Variants in LMF2 observed in about 807,000 individuals in gnomAD.
The protein encoded by LMF2 is lipase maturation factor 2.
Under a neutral mutation model 81.5 loss-of-function variants are expected in LMF2, and 113 were observed. That is an observed-to-expected ratio of 1.39 (90% confidence interval 1.19 to 1.62). The LOEUF is 1.62. Among genes scored for constraint, LMF2 ranks in the 40% most tolerant of loss-of-function variants. LMF2 has a pLI of 0.00. For synonymous variants in LMF2, 645 were observed against 424.5 expected (o/e 1.52, Z -6.39); for missense variants, 1,235 against 929.1 (o/e 1.33, Z -4.28).
Position 50,506,782 on chromosome 22 carries a change from C to G in LMF2, c.348G>C (p.Gln116His). 2 of 1,612,844 alleles carry G rather than the reference C, an allele frequency of 1.2e-6. No individual in the cohort carries two copies. Among genetic ancestry groups the G allele is most frequent in the Non-Finnish European group, 1.7e-6 (2 of 1,179,544 alleles). Reference protein sequence around the residue: ...LLWAAYLSACQVGQVFLYFQW... With the variant: ...LLWAAYLSACHVGQVFLYFQW... ...TGAGCTGGTCACAGGTCCCACTTGCCTGGCAGGCTGACAGGTAGGCGGCCC... is the reference window on the plus strand; with the variant it reads ...TGAGCTGGTCACAGGTCCCACTTGCGTGGCAGGCTGACAGGTAGGCGGCCC... The change falls in exon 2 of 14, where the codon CAG becomes CAC. Residue 116 changes from glutamine (Q) to histidine (H), a missense_variant and splice_region_variant. By Grantham distance (24) the Gln-to-His change is conservative. Transcript: ENST00000474879.
rs1262430158 is a variant in LMF2 at position 50,507,658 on chromosome 22, G to A, written c.18C>T (p.Leu6=). The change falls in exon 1 of 14, where the codon CTC becomes CTT. Residue 6 remains leucine, a synonymous_variant. Transcript: ENST00000474879. ...CGCCCTGGAGGAAGAGCTGCCGCGG[G>A]AGCCGGGAGCCCGCCATGTCCGCTA... The part of the protein sequence containing the change: MAGSR[L]PRQLFLQGVA... 15 of 1,550,462 alleles carry A rather than the reference G, an allele frequency of 9.7e-6. No individual in the cohort carries two copies. The highest frequency in any genetic ancestry group is 1.2e-5 in the Non-Finnish European group (14 of 1,147,436).
chr22:50,506,294 C>G lies in LMF2; in HGVS notation c.586G>C (p.Gly196Arg), dbSNP rs1430734191. The change falls in exon 4 of 14, where the codon GGG becomes CGG. Residue 196 changes from glycine (G) to arginine (R), a missense_variant. Gly to Arg is a moderately radical substitution (Grantham distance 125, BLOSUM62 -2). Coordinates refer to ENST00000474879, the MANE Select transcript of LMF2 (RefSeq NM_033200.3). The part of the protein sequence containing the change: ...KLTSRCPAWW[G>R]LTALTYHYET... ...AGACCGGGCCCCTCACCAGTGAGCC[C>G]CCACCACGCAGGGCAGCGGCTGGTC... The G allele has an allele frequency of 6.5e-7, 1 of 1,549,058 alleles. No homozygotes were observed. Among genetic ancestry groups the G allele is most frequent in the Non-Finnish European group, 8.7e-7 (1 of 1,146,362 alleles).
Position 50,505,295 on chromosome 22 carries a change from A to C in LMF2, c.1091T>G (p.Leu364Arg). 1 of 1,613,294 alleles carries C rather than the reference A, an allele frequency of 6.2e-7. No individual in the cohort carries two copies. Among genetic ancestry groups the C allele is most frequent in the South Asian group, 1.1e-5 (1 of 91,088 alleles). Reference sequence around the variant, plus strand: ...ACCCAGCCACACAGTGGGCAGCGTCAGTGTCTTCAGCCACTGAGAAAACTG... The same window carrying C: ...ACCCAGCCACACAGTGGGCAGCGTCCGTGTCTTCAGCCACTGAGAAAACTG... ...FHQFSQWLKT[L>R]TLPTVWLGVA... The change falls in exon 8 of 14, where the codon CTG becomes CGG. Residue 364 changes from leucine (L) to arginine (R), a missense_variant. Leu to Arg is a moderately radical substitution (Grantham distance 102). Transcript: ENST00000474879.
At position 50,505,445 on chromosome 22, in the gene LMF2, G is replaced by C; in HGVS notation, c.1009C>G (p.Leu337Val). The C allele has an allele frequency of 6.2e-7, 1 of 1,613,078 alleles. No individual in the cohort carries two copies. The highest frequency in any genetic ancestry group is 8.5e-7 in the Non-Finnish European group (1 of 1,180,032). The change falls in exon 7 of 14, where the codon CTG becomes GTG. Residue 337 changes from leucine to valine, a missense_variant. Physicochemically the swap from Leu to Val is conservative, Grantham distance 32. Coordinates refer to ENST00000474879, the MANE Select transcript of LMF2 (RefSeq NM_033200.3). ...GTGCGCTGCTGCCAGTCAACCTCCA[G>C]GCCAAAGTAGTGCACAGTGCCATAG... ...LAYGTVHYFG[L>V]EVDWQQRTIH...
Position 50,504,594 on chromosome 22 carries a change from C to T in LMF2, c.1571G>A (p.Ser524Asn), listed in dbSNP as rs763397456. 2.5e-6 allele frequency: 4 copies of T among 1,604,780 alleles called. No individual in the cohort carries two copies. The highest frequency in any genetic ancestry group is 1.7e-5 in the Admixed American group (1 of 59,746). Residue 524 changes from serine to asparagine, a missense_variant, in exon 11 of 14, where the codon AGC (serine) becomes AAC (asparagine). Coordinates refer to ENST00000474879, the MANE Select transcript of LMF2 (RefSeq NM_033200.3). Reference protein sequence around the residue: ...GPHTHSPWFTSLVLRLLQGKE... With the variant: ...GPHTHSPWFTNLVLRLLQGKE... The stretch of plus-strand genomic sequence containing the variant: ...GCCCTGCAGCAGGCGCAAGACCAGG[C>T]TTGTGAACCACGGGCTGTGCGTGTG...
chr22:50,506,771 G>A lies in LMF2; in HGVS notation c.348+11C>T, dbSNP rs781668166. On this transcript the variant is annotated intron_variant, in intron 2 of 13. Transcript: ENST00000474879. The stretch of plus-strand genomic sequence containing the variant: ...TGGAGATAGAGTGAGCTGGTCACAG[G>A]TCCCACTTGCCTGGCAGGCTGACAG... 6.2e-7 allele frequency: 1 copy of A among 1,612,818 alleles called. No individual in the cohort carries two copies. The highest frequency in any genetic ancestry group is 1.1e-5 in the South Asian group (1 of 91,032).
chr22:50,503,316 G>A lies in LMF2; in HGVS notation c.*75C>T. Reference sequence around the variant, plus strand: ...CAGGGTCAGCTAAGGCACAGTGGCTGGGTCCTGTCCTGCCGGAGGCCAGAG... The same window carrying A: ...CAGGGTCAGCTAAGGCACAGTGGCTAGGTCCTGTCCTGCCGGAGGCCAGAG... On this transcript the variant is annotated 3_prime_UTR_variant, in exon 14 of 14. Transcript: ENST00000474879. 2.0e-6 allele frequency: 3 copies of A among 1,499,428 alleles called. No homozygotes were observed. Among genetic ancestry groups the A allele is most frequent in the Non-Finnish European group, 2.7e-6 (3 of 1,100,324 alleles). The allele number at this position is 1,499,428 out of a possible 1,614,324, so 92.9% of individuals were successfully genotyped here.
Position 50,505,055 on chromosome 22 carries a change from A to C in LMF2, c.1254+2T>G, listed in dbSNP as rs770209684. On this transcript the variant is annotated splice_donor_variant, in intron 9 of 13. Coordinates refer to ENST00000474879, the MANE Select transcript of LMF2 (RefSeq NM_033200.3). LOFTEE classifies it high-confidence loss of function. ...ATCCCCCAGCCCTGCAGCGCTACCC[A>C]CCAGGCTAATCAGGAACAAGGCCAC... 1 of 1,612,834 alleles carries C rather than the reference A, an allele frequency of 6.2e-7. No homozygotes were observed. Among genetic ancestry groups the C allele is most frequent in the South Asian group, 1.1e-5 (1 of 91,078 alleles).
Position 50,504,783 on chromosome 22 carries a change from C to A in LMF2, c.1437+19G>T. On this transcript the variant is annotated intron_variant, in intron 10 of 13. Transcript: ENST00000474879. ...GCTGACCTGGGCCCCACCACCCTGCCCGCCCTGGGAGGGCTCACCGTCCAG... is the reference window on the plus strand; with the variant it reads ...GCTGACCTGGGCCCCACCACCCTGCACGCCCTGGGAGGGCTCACCGTCCAG... 1 of 1,602,016 alleles carries A rather than the reference C, an allele frequency of 6.2e-7. No individual in the cohort carries two copies. Among genetic ancestry groups the A allele is most frequent in the Non-Finnish European group, 8.5e-7 (1 of 1,174,870 alleles).
chr22:50,504,771 C>T (rs2068510984), intron 10 of LMF2, 31 bp downstream of exon 10: 1 of 1,604,500 alleles, frequency 6.2e-7, no homozygotes, highest in Non-Finnish European at 8.5e-7. Context: ...GACCTGGGCC[C>T]CACCACCCTG....
rs370674213 is a variant in LMF2 at position 50,504,736 on chromosome 22, C to T, written c.1438-9G>A. 2 of 1,609,192 alleles carry T rather than the reference C, an allele frequency of 1.2e-6. No individual in the cohort carries two copies. The highest frequency in any genetic ancestry group is 1.7e-5 in the Admixed American group (1 of 59,282). On this transcript the variant is annotated splice_polypyrimidine_tract_variant and intron_variant, in intron 10 of 13. Coordinates refer to ENST00000474879, the MANE Select transcript of LMF2 (RefSeq NM_033200.3). ...TACATGAACTCGATCTCCTGCCAGGCAGGCCGAGGTCAGCTGGGCCCGCTG... is the reference window on the plus strand; with the variant it reads ...TACATGAACTCGATCTCCTGCCAGGTAGGCCGAGGTCAGCTGGGCCCGCTG...
At position 50,506,048 on chromosome 22, in the gene LMF2, G is replaced by T; in HGVS notation, c.761C>A (p.Ala254Asp). Residue 254 changes from alanine (A) to aspartate (D), a missense_variant, in exon 5 of 14, where the codon GCT becomes GAT. By Grantham distance (126) the Ala-to-Asp change is moderately radical (BLOSUM62 -2). Coordinates refer to ENST00000474879, the MANE Select transcript of LMF2 (RefSeq NM_033200.3). ...FAPIRRLRLA[A>D]FYSQVLLQVL... is the part of the protein sequence containing the mutation. ...GCCCTCACCCACCTGCGAGTAGAAA[G>T]CAGCCAAGCGCAGGCGTCGAATGGG... is the stretch of plus-strand genomic sequence containing the variant. The T allele has an allele frequency of 6.3e-7, 1 of 1,586,616 alleles. No homozygotes were observed.
At chr22:50,503,955 C>CCCAT in intron 12 of LMF2, 51 bp from the exon 13 acceptor site, 1 of 1,535,390 alleles carries the variant, frequency 6.5e-7, no homozygotes, top group Non-Finnish European at 8.9e-7. Flanking sequence ...GGCTCCATAC[C>CCCAT]CCATCGCCAG....
intron 12 of LMF2, 21 bp from the exon 13 acceptor site, chr22:50,503,925 C>A: frequency 6.2e-7 from 1 of 1,601,910 alleles, no homozygotes; most frequent in South Asian, 1.1e-5. Flanking sequence ...ACCCGATGTT[C>A]AGAAGCTGGA....
Position 50,506,424 on chromosome 22 carries a change from G to T in LMF2, c.456C>A (p.Ala152=). ...PLRPASHRKE[A]PQGRQAGALP... Reference sequence around the variant, plus strand: ...GGGCCCCTGCCTGCCTGCCCTGGGGGGCCTCCTTGCGGTGGGAGGCTGGCC... The same window carrying T: ...GGGCCCCTGCCTGCCTGCCCTGGGGTGCCTCCTTGCGGTGGGAGGCTGGCC... Residue 152 remains alanine, a synonymous_variant, in exon 4 of 14, where the codon GCC becomes GCA. Transcript: ENST00000474879. 6.4e-7 allele frequency: 1 copy of T among 1,550,464 alleles called. No homozygotes were observed. Among genetic ancestry groups the T allele is most frequent in the African/African-American group, 1.4e-5 (1 of 73,416 alleles).
chr22:50,504,363 C>T lies in LMF2; in HGVS notation c.1695G>A (p.Trp565Ter). The change falls in exon 12 of 14, where the codon TGG (tryptophan) becomes TGA (stop). Residue 565 changes from tryptophan to a stop codon, truncating the protein, a stop_gained. Coordinates refer to ENST00000474879, the MANE Select transcript of LMF2 (RefSeq NM_033200.3). LOFTEE classifies it high-confidence loss of function. ...TYVRAQRYKY[W>*]FSQPGEQGQW... is the part of the protein sequence containing the mutation. ...ACCCCTGCTCCCCAGGCTGGGAGAA[C>T]CAGTACTTGTAGCGCTGGGCTCGGA... The T allele has an allele frequency of 6.2e-7, 1 of 1,612,078 alleles. No individual in the cohort carries two copies. The highest frequency in any genetic ancestry group is 8.5e-7 in the Non-Finnish European group (1 of 1,179,546).
rs1389494237 is a variant in LMF2, at chr22:50,507,686, C to T, written c.-11G>A. 5 of 1,547,120 alleles carry T rather than the reference C, an allele frequency of 3.2e-6. No homozygotes were observed. The Admixed American group carries it at 9.8e-5, about 30-fold the overall frequency. On this transcript the variant is annotated 5_prime_UTR_variant, in exon 1 of 14. Coordinates refer to ENST00000474879, the MANE Select transcript of LMF2 (RefSeq NM_033200.3). ...CCGGGAGCCCGCCATGTCCGCTACG[C>T]GGCCCGCTAGAGCAGGGCCCGCCCT...
intron 12 of LMF2, 122 bp from the exon 13 acceptor site, chr22:50,504,026 C>T: frequency 1.1e-6 from 1 of 937,688 alleles, no homozygotes; most frequent in East Asian, 2.8e-5. Flanking sequence ...TGGTGCCCGG[C>T]CTTACCCCTG....
chr22:50,507,220 G>C, intron 1 of LMF2, 185 bp from the exon 2 acceptor site: 1 of 982,986 alleles, frequency 1.0e-6, no homozygotes, highest in Non-Finnish European at 1.5e-6. Flanking sequence ...CCCGTCCCAG[G>C]GCTAGAGGCC....
Sources: allele counts gnomAD v4.1 joint callset, GRCh38; gene constraint gnomAD v4.1.1; transcripts MANE v1.5; gene names NCBI Gene and HGNC (gene_info 2026-07-23, HGNC 2026-07-21).